FOXP1: variants seen among roughly 807,000 people sequenced by gnomAD.
FOXP1 encodes forkhead box protein P1.
Under a neutral mutation model 98.2 loss-of-function variants are expected in FOXP1, and 15 were observed. The observed-to-expected ratio is 0.15, with a 90% CI of 0.10 to 0.24. FOXP1 has a LOEUF of 0.24. Ranked by LOEUF, FOXP1 falls within the 10% of genes least tolerant of loss-of-function variation. The pLI is 1.00. For missense variants in FOXP1, 633 were observed against 848.5 expected, an observed-to-expected ratio of 0.75 and a Z score of 3.15; for synonymous variants, 371 against 314.5, an observed-to-expected ratio of 1.18 and a Z score of -1.90.
chr3:71,182,186 AAGTGAGGCAG>A (rs1435003479), intron 6 of FOXP1, among the ~76,000 whole-genome samples: 1 of 152,176 alleles, frequency 6.6e-6, no homozygotes, highest in African/African-American at 2.4e-5. Flanking sequence ...AAGCACCTAG[AAGTGAGGCAG>A]AGATCTCCCT....
At chr3:71,354,310 T>C (rs1350785474) in intron 4 of FOXP1, among the ~76,000 whole-genome samples, 1 of 151,554 alleles carries the variant, frequency 6.6e-6, no homozygotes, top group African/African-American at 2.4e-5. Flanking sequence ...GAAGAGAATT[T>C]AAGGAAATTT....
chr3:71,190,653 A>G (rs1272132912), intron 6 of FOXP1, among the ~76,000 whole-genome samples: 5 of 151,454 alleles, frequency 3.3e-5, no homozygotes. Flanking sequence ...AAAAAAAAAA[A>G]AAAAAAAAGA....
intron 2 of FOXP1, among the ~76,000 whole-genome samples, chr3:71,520,085 T>C (rs2042869750): frequency 6.6e-6 from 1 of 152,222 alleles, no homozygotes; most frequent in Admixed American, 6.5e-5. Flanking sequence ...AGAAAGTGCA[T>C]GAGCATACAC....
At chr3:71,372,656 G>C (rs563876067) in intron 3 of FOXP1, among the ~76,000 whole-genome samples, 45 of 152,306 alleles carry the variant, frequency 3.0e-4, no homozygotes, top group Non-Finnish European at 4.9e-4. Flanking sequence ...GCACTCAGCA[G>C]ATATGCGTTG....
chr3:71,091,708 A>G (rs903549166), intron 7 of FOXP1, among the ~76,000 whole-genome samples: 3 of 152,210 alleles, frequency 2.0e-5, no homozygotes, highest in Non-Finnish European at 4.4e-5. Flanking sequence ...TATTCAACCA[A>G]TGAATGTAAT....
intron 17 of FOXP1, 38 bp from the exon 18 acceptor site, chr3:70,972,714 T>C (rs368857652): frequency 2.2e-5 from 35 of 1,609,920 alleles, no homozygotes; most frequent in Non-Finnish European, 6.8e-6. Context: ...TTACATTTTC[T>C]ATAAGAAAAG....
At chr3:71,544,731 G>A (rs962637403) in intron 2 of FOXP1, among the ~76,000 whole-genome samples, 2 of 152,140 alleles carry the variant, frequency 1.3e-5, no homozygotes, top group African/African-American at 4.8e-5. Flanking sequence ...AAGGAGACAA[G>A]ACCAAATCGT....
chr3:71,067,604 G>A (rs1029753583), intron 7 of FOXP1, among the ~76,000 whole-genome samples: 1 of 152,020 alleles, frequency 6.6e-6, no homozygotes, highest in African/African-American at 2.4e-5. Flanking sequence ...TTTCTCCCAA[G>A]AATTAAACAT....
At chr3:71,066,170 G>A (rs140987274) in intron 7 of FOXP1, among the ~76,000 whole-genome samples, 67 of 150,842 alleles carry the variant, frequency 4.4e-4, no homozygotes, top group African/African-American at 1.6e-3. Context: ...ATTTTGATGT[G>A]AAGTGTATTA....
intron 5 of FOXP1, among the ~76,000 whole-genome samples, chr3:71,259,388 G>A (rs981287611): frequency 5.9e-5 from 9 of 152,234 alleles, no homozygotes; most frequent in African/African-American, 1.9e-4. Context: ...GAAGACATGC[G>A]TAAAGGATTC....
intron 11 of FOXP1, among the ~76,000 whole-genome samples, chr3:71,037,103 C>T (rs1050944941): frequency 6.6e-6 from 1 of 152,128 alleles, no homozygotes; most frequent in Admixed American, 6.6e-5. Context: ...GTATAATCAT[C>T]CTTACTGCTT....
chr3:71,296,200 C>T (rs772416740), intron 5 of FOXP1: 5 of 152,182 alleles, frequency 3.3e-5, no homozygotes, highest in Admixed American at 6.5e-5. Context: ...TTCTGTGCAT[C>T]TATACTGACT....
intron 6 of FOXP1, among the ~76,000 whole-genome samples, chr3:71,156,989 T>G (rs2060856165): frequency 6.6e-6 from 1 of 152,166 alleles, no homozygotes; most frequent in African/African-American, 2.4e-5. Context: ...AAAGCCAGTT[T>G]CAAGGCCTAG....
chr3:71,581,868 A>T, intron 1 of FOXP1, 171 bp from the exon 2 acceptor site: 1 of 985,644 alleles, frequency 1.0e-6, no homozygotes, highest in Non-Finnish European at 1.2e-6. Flanking sequence ...CGGCTCAGGG[A>T]ATCCCTGCAA....
chr3:71,259,129 G>A (rs1237387726), intron 5 of FOXP1, among the ~76,000 whole-genome samples: 1 of 152,052 alleles, frequency 6.6e-6, no homozygotes, highest in Non-Finnish European at 1.5e-5. Context: ...GGGTGACAGA[G>A]CTAAGACTGT....
At chr3:70,986,322 T>G (rs1346987564) in intron 14 of FOXP1, among the ~76,000 whole-genome samples, 2 of 152,176 alleles carry the variant, frequency 1.3e-5, no homozygotes, top group Non-Finnish European at 2.9e-5. Context: ...TGTAGTTCCT[T>G]ATCTTTAATT....
At chr3:71,540,987 T>C (rs1325639616) in intron 2 of FOXP1, among the ~76,000 whole-genome samples, 2 of 152,232 alleles carry the variant, frequency 1.3e-5, no homozygotes, top group African/African-American at 4.8e-5. Context: ...CCACAAACCA[T>C]GAAGCCTGAG....
chr3:71,112,067 T>G (rs1184406894), intron 7 of FOXP1, among the ~76,000 whole-genome samples: 1 of 117,500 alleles, frequency 8.5e-6, no homozygotes, highest in African/African-American at 3.3e-5. Flanking sequence ...CTGCTAGTTG[T>G]GGCAACGAAA....
intron 7 of FOXP1, among the ~76,000 whole-genome samples, chr3:71,081,215 A>C (rs2054377366): frequency 6.6e-6 from 1 of 152,204 alleles, no homozygotes; most frequent in African/African-American, 2.4e-5. Flanking sequence ...AAAGTGTTCT[A>C]ACACTCCATA....
Sources: gnomAD v4.1 joint callset for allele counts (sites outside exome capture counted in the v4.1 genomes callset) on GRCh38, gnomAD v4.1.1 for gene constraint, MANE v1.5 for transcripts, NCBI Gene and HGNC (gene_info 2026-07-23, HGNC 2026-07-21) for gene names.